PSEN1: variants seen among roughly 807,000 people sequenced by gnomAD.
PSEN1 encodes the protein presenilin-1.
A neutral mutation model predicts 53.5 loss-of-function variants in PSEN1; 15 were observed. The ratio of observed to expected loss-of-function variants is 0.28; its 90% CI spans 0.19 to 0.43. PSEN1 has a LOEUF of 0.43. PSEN1 is among the 20% of genes least tolerant of loss of function. The probability of loss-of-function intolerance (pLI) is 1.00; values close to 1 mark genes in which losing one functional copy is unlikely to be tolerated. For missense variants in PSEN1, 387 were observed against 571.2 expected (o/e 0.68, Z 3.29); for synonymous variants, 208 against 209.8 (o/e 0.99, Z 0.08).
rs1445195853 is a variant in PSEN1, at chr14:73,150,730, A to G, written c.87+2624A>G. Among the ~76,000 whole-genome samples, 7 of 129,292 alleles carry G rather than the reference A, an allele frequency of 5.4e-5. No homozygotes were observed. In the Admixed American group the frequency reaches 5.7e-4, roughly 11 times the overall value. The allele number at this position is 129,292 out of a possible 152,430, so 84.8% of individuals were successfully genotyped here. Reference sequence around the variant, plus strand: ...CAGTGAGCCAAGATTGCACCACTGCACTCCAGCTTGGGCAACAGAGTAAGA... The same window carrying G: ...CAGTGAGCCAAGATTGCACCACTGCGCTCCAGCTTGGGCAACAGAGTAAGA... On this transcript the variant is annotated intron_variant, in intron 3 of 11. Transcript: ENST00000324501.
At chr14:73,165,903 A>AACATTAAGCCGGCGCAG (rs1897699221) in intron 3 of PSEN1, among the ~76,000 whole-genome samples, 3 of 151,886 alleles carry the variant, frequency 2.0e-5, no homozygotes, top group Admixed American at 2.0e-4. Flanking sequence ...TAAAAATACA[A>AACATTAAGCCGGCGCAG]ACATTAAGCC....
chr14:73,139,969 AAATT>A (rs1447775624), intron 1 of PSEN1, among the ~76,000 whole-genome samples: 2 of 152,224 alleles, frequency 1.3e-5, no homozygotes, highest in East Asian at 3.8e-4. Flanking sequence ...AGTGATTTAC[AAATT>A]AATTAGACGT....
intron 6 of PSEN1, among the ~76,000 whole-genome samples, chr14:73,192,158 C>T (rs1398600351): frequency 1.3e-5 from 2 of 152,026 alleles, no homozygotes; most frequent in African/African-American, 4.8e-5. Context: ...AATTAATTGG[C>T]CAGGCACCGT....
At chr14:73,151,046 C>T (rs58458484) in intron 3 of PSEN1, among the ~76,000 whole-genome samples, 11,788 of 150,538 alleles carry the variant, frequency 0.078, 568 homozygotes, top group South Asian at 0.19. Flanking sequence ...CCAGCCTGGG[C>T]GACAGAGTGA....
chr14:73,144,190 G>A (rs577947701), intron 1 of PSEN1, among the ~76,000 whole-genome samples: 11 of 151,872 alleles, frequency 7.2e-5, no homozygotes, highest in Non-Finnish European at 1.2e-4. Context: ...ACAGGTGCAC[G>A]TCACCATGCC....
Position 73,178,893 on chromosome 14 carries a change from G to A in PSEN1, c.480+5186G>A, listed in dbSNP as rs968927962. Among the ~76,000 whole-genome samples, 4 of 152,142 alleles carry A rather than the reference G, an allele frequency of 2.6e-5. No individual in the cohort carries two copies. The East Asian group carries it at 7.7e-4, about 29-fold the overall frequency. On this transcript the variant is annotated intron_variant, in intron 5 of 11. Coordinates refer to ENST00000324501, the MANE Select transcript of PSEN1 (RefSeq NM_000021.4). The stretch of plus-strand genomic sequence containing the variant: ...GCAGTGTTGCTCAGATCTGCCCCAT[G>A]TATATGCCACCCAGTCACCAGTCTG...
intron 1 of PSEN1, among the ~76,000 whole-genome samples, chr14:73,143,952 A>G (rs1342975439): frequency 7.8e-6 from 1 of 128,366 alleles, no homozygotes. Flanking sequence ...TTGCCACTGT[A>G]CTCCAGCCTG....
intron 5 of PSEN1, among the ~76,000 whole-genome samples, chr14:73,185,738 G>A (rs1038145368): frequency 3.9e-5 from 6 of 152,302 alleles, no homozygotes; most frequent in Middle Eastern, 6.8e-3. Context: ...TTTTAGTAGA[G>A]ATGGGGTTCA....
At position 73,163,017 on chromosome 14, in the gene PSEN1, T is replaced by C. The variant is rs1897600535; in HGVS notation, c.88-7780T>C. On this transcript the variant is annotated intron_variant, in intron 3 of 11. Coordinates refer to ENST00000324501, the MANE Select transcript of PSEN1 (RefSeq NM_000021.4). ...TTTTAAACAAATAAATTGTACTTTT[T>C]TTGAAGAGCTCTATTTTTATTTCCT... is the stretch of plus-strand genomic sequence containing the variant. 2.0e-5 allele frequency among the ~76,000 whole-genome samples: 3 copies of C among 152,370 alleles called. No individual in the cohort carries two copies. In the South Asian group the frequency reaches 6.2e-4, roughly 32 times the overall value.
chr14:73,148,026 G>C lies in PSEN1; in HGVS notation c.7G>C (p.Glu3Gln). MTELPAPLSYFQN... is the reference protein window; with the variant it reads MTQLPAPLSYFQN... The stretch of plus-strand genomic sequence containing the variant: ...TTTCTATACAGTTGCTCCAATGACA[G>C]AGTTACCTGCACCGTTGTCCTACTT... Residue 3 changes from glutamate (E) to glutamine (Q), a missense_variant, in exon 3 of 12, where the codon GAG (glutamate) becomes CAG (glutamine). This residue lies in a region of PSEN1 where 99 missense variants were observed against 101.5 expected (regional missense o/e 0.98). Coordinates refer to ENST00000324501, the MANE Select transcript of PSEN1 (RefSeq NM_000021.4). 1.9e-6 allele frequency: 3 copies of C among 1,613,178 alleles called. No individual in the cohort carries two copies. The highest frequency in any genetic ancestry group is 1.1e-5 in the South Asian group (1 of 91,056).
intron 10 of PSEN1, among the ~76,000 whole-genome samples, chr14:73,214,718 T>C (rs1318117465): frequency 6.6e-6 from 1 of 152,162 alleles, no homozygotes; most frequent in Non-Finnish European, 1.5e-5. Context: ...AGAAAAATAC[T>C]GTATGATTCC....
chr14:73,170,820 GCAC>G lies in PSEN1; in HGVS notation c.112_114del (p.His38del). ...AGAATGACAATAGAGAACGGCAGGA[GCAC>G]AACGACAGACGGAGCCTTGGCCACC... On this transcript the variant is annotated inframe_deletion, in exon 4 of 12. Transcript: ENST00000324501. 6.2e-7 allele frequency: 1 copy of G among 1,614,092 alleles called. No homozygotes were observed. Among genetic ancestry groups the G allele is most frequent in the Non-Finnish European group, 8.5e-7 (1 of 1,179,944 alleles).
chr14:73,200,809 G>A (rs2140111059), intron 8 of PSEN1, among the ~76,000 whole-genome samples: 1 of 152,170 alleles, frequency 6.6e-6, no homozygotes, highest in African/African-American at 2.4e-5. Context: ...CCAGCACTTT[G>A]GGAGGCCTAG....
intron 3 of PSEN1, among the ~76,000 whole-genome samples, chr14:73,158,141 T>C (rs1490655536): frequency 6.6e-6 from 1 of 152,202 alleles, no homozygotes; most frequent in African/African-American, 2.4e-5. Flanking sequence ...GATTTTCAGT[T>C]CTGAAGCATT....
intron 3 of PSEN1, among the ~76,000 whole-genome samples, chr14:73,165,323 A>G (rs1338107930): frequency 6.6e-6 from 1 of 152,148 alleles, no homozygotes; most frequent in Non-Finnish European, 1.5e-5. Context: ...GTGTCTCACT[A>G]CATTCCCTGG....
At chr14:73,147,922 G>T in intron 2 of PSEN1, 45 bp from the exon 3 acceptor site, 2 of 891,008 alleles carry the variant, frequency 2.2e-6, no homozygotes, top group Non-Finnish European at 3.7e-6. Flanking sequence ...TTTTATAACA[G>T]TATAATTGTA....
chr14:73,147,911 T>TATAA (rs1308916281), intron 2 of PSEN1, 35 bp downstream of exon 2: 1 of 847,300 alleles, frequency 1.2e-6, no homozygotes, highest in African/African-American at 1.7e-5. Flanking sequence ...ATGAAAGTGT[T>TATAA]TTTTATAACA....
chr14:73,143,988 TAA>T (rs530235019), intron 1 of PSEN1, among the ~76,000 whole-genome samples: 4,444 of 53,182 alleles, frequency 0.084, 144 homozygotes, highest in African/African-American at 0.11. Context: ...CCTTGTCTCT[TAA>T]AAAAAAAAAA....
chr14:73,205,379 T>C (rs1899412673), intron 8 of PSEN1, among the ~76,000 whole-genome samples: 1 of 149,430 alleles, frequency 6.7e-6, no homozygotes, highest in African/African-American at 2.5e-5. Flanking sequence ...CTCGGGAGGC[T>C]GAGGCAGGAG....
Sources: gnomAD v4.1 joint callset for allele counts (sites outside exome capture counted in the v4.1 genomes callset) on GRCh38, gnomAD v4.1.1 for gene constraint, gnomAD v4.1.1 regional missense constraint, MANE v1.5 for transcripts, NCBI Gene and HGNC (gene_info 2026-07-23, HGNC 2026-07-21) for gene names.